KIAA0825: variants seen among roughly 807,000 people sequenced by gnomAD.
KIAA0825 encodes the protein KIAA0825.
In KIAA0825, 119 loss-of-function variants were observed where a neutral mutation model predicts 147.6. The ratio of observed to expected loss-of-function variants is 0.81; its 90% CI spans 0.69 to 0.94. The LOEUF (loss-of-function observed/expected upper bound fraction) is 0.94, where lower values mean the gene tolerates loss of function less well. Among genes scored for constraint, KIAA0825 ranks in the 40% least tolerant of loss-of-function variants. The pLI is 0.00. For synonymous variants in KIAA0825, 470 were observed against 518.1 expected, an observed-to-expected ratio of 0.91 and a Z score of 1.26; for missense variants, 1,381 against 1,472.7, an observed-to-expected ratio of 0.94 and a Z score of 1.02.
chr5:94,327,042 G>C (rs1220641655), intron 20 of KIAA0825, among the ~76,000 whole-genome samples: 1 of 152,160 alleles, frequency 6.6e-6, no homozygotes, highest in Non-Finnish European at 1.5e-5. Flanking sequence ...ATGCTAAGTG[G>C]TCTATATAGA....
intron 13 of KIAA0825, among the ~76,000 whole-genome samples, chr5:94,442,597 T>C (rs895566372): frequency 2.6e-5 from 4 of 152,164 alleles, no homozygotes; most frequent in African/African-American, 4.8e-5. Flanking sequence ...AACAGATCCT[T>C]ACAATGGTTG....
intron 10 of KIAA0825, among the ~76,000 whole-genome samples, chr5:94,467,808 G>T (rs1760735038): frequency 2.0e-5 from 3 of 152,132 alleles, no homozygotes; most frequent in Non-Finnish European, 4.4e-5. Context: ...TCTCAAAGCA[G>T]GCCTGCCAAA....
intron 20 of KIAA0825, among the ~76,000 whole-genome samples, chr5:94,354,743 G>A (rs555579266): frequency 6.6e-6 from 1 of 152,246 alleles, no homozygotes; most frequent in African/African-American, 2.4e-5. Context: ...ATAAATTGAG[G>A]CCATGGAAGA....
intron 20 of KIAA0825, among the ~76,000 whole-genome samples, chr5:94,323,404 A>G (rs995635339): frequency 6.6e-6 from 1 of 151,890 alleles, no homozygotes; most frequent in Non-Finnish European, 1.5e-5. Context: ...TCACAACCCT[A>G]TCTGGAACTG....
intron 20 of KIAA0825, among the ~76,000 whole-genome samples, chr5:94,326,364 C>T (rs1015071662): frequency 1.3e-5 from 2 of 152,034 alleles, no homozygotes; most frequent in African/African-American, 2.4e-5. Context: ...GGGGGAGTTA[C>T]GAAAGTTTAT....
intron 1 of KIAA0825, among the ~76,000 whole-genome samples, chr5:94,613,503 T>G (rs1310321337): frequency 6.6e-6 from 1 of 152,168 alleles, no homozygotes; most frequent in Non-Finnish European, 1.5e-5. Context: ...CGGCCAATCT[T>G]GTCTTCTGTA....
At chr5:94,588,451 T>C (rs1396384347) in intron 1 of KIAA0825, among the ~76,000 whole-genome samples, 1 of 152,184 alleles carries the variant, frequency 6.6e-6, no homozygotes, top group Non-Finnish European at 1.5e-5. Flanking sequence ...TCATCATCAA[T>C]GGTCATCAGA....
intron 20 of KIAA0825, among the ~76,000 whole-genome samples, chr5:94,170,684 T>C (rs867333098): frequency 9.2e-5 from 14 of 152,228 alleles, no homozygotes; most frequent in Non-Finnish European, 1.8e-4. Context: ...AAAATGAAAA[T>C]GAAAGCTTCA....
chr5:94,217,472 C>T (rs1773301722), intron 20 of KIAA0825, among the ~76,000 whole-genome samples: 1 of 152,242 alleles, frequency 6.6e-6, no homozygotes, highest in Non-Finnish European at 1.5e-5. Flanking sequence ...GTGAGTGAAA[C>T]CCTGGTGTCA....
chr5:94,368,919 G>C (rs1746260930), intron 20 of KIAA0825, among the ~76,000 whole-genome samples: 1 of 152,146 alleles, frequency 6.6e-6, no homozygotes, highest in Admixed American at 6.5e-5. Context: ...TGTAATCTCA[G>C]CACTTTGGGA....
intron 7 of KIAA0825, 38 bp from the exon 8 acceptor site, chr5:94,473,557 A>G: frequency 8.1e-7 from 1 of 1,231,446 alleles, no homozygotes; most frequent in Non-Finnish European, 1.2e-6. Context: ...GTTAATCTTA[A>G]CTCAGCAACA....
At chr5:94,402,296 C>T (rs1351980290) in intron 16 of KIAA0825, among the ~76,000 whole-genome samples, 1 of 152,020 alleles carries the variant, frequency 6.6e-6, no homozygotes, top group Non-Finnish European at 1.5e-5. Context: ...TCGAAAGCCA[C>T]AAGCAAAATA....
At chr5:94,328,385 A>G (rs1780918196) in intron 20 of KIAA0825, among the ~76,000 whole-genome samples, 1 of 152,072 alleles carries the variant, frequency 6.6e-6, no homozygotes, top group Admixed American at 6.5e-5. Context: ...TTTATAGGCT[A>G]AAATTGTAAA....
chr5:94,397,108 A>C (rs1750763458), intron 16 of KIAA0825, among the ~76,000 whole-genome samples: 1 of 152,038 alleles, frequency 6.6e-6, no homozygotes, highest in African/African-American at 2.4e-5. Flanking sequence ...ATCATCTAAT[A>C]ATTATGTCCT....
chr5:94,477,692 T>A (rs1043960149), intron 6 of KIAA0825, among the ~76,000 whole-genome samples: 1 of 151,968 alleles, frequency 6.6e-6, no homozygotes, highest in African/African-American at 2.4e-5. Context: ...ACGAGAAAAA[T>A]TATACCCTTA....
chr5:94,391,717 C>T, intron 17 of KIAA0825, 23 bp from the exon 18 acceptor site: 1 of 1,498,004 alleles, frequency 6.7e-7, no homozygotes, highest in South Asian at 1.3e-5. Flanking sequence ...AAAGCATATA[C>T]ATATCAGTAG....
intron 20 of KIAA0825, among the ~76,000 whole-genome samples, chr5:94,339,238 C>A (rs191983144): frequency 3.9e-5 from 6 of 152,110 alleles, no homozygotes; most frequent in Non-Finnish European, 7.4e-5. Context: ...ATACTAATCA[C>A]TAAAAATGAG....
chr5:94,565,297 C>T (rs1388179782), intron 2 of KIAA0825, among the ~76,000 whole-genome samples: 27 of 150,040 alleles, frequency 1.8e-4, no homozygotes, highest in African/African-American at 6.6e-4. Context: ...AATGATCTTT[C>T]TAAAACATAG....
chr5:94,300,719 C>CA lies in KIAA0825; in HGVS notation c.3710+83648dup, dbSNP rs200021448. On this transcript the variant is annotated intron_variant, in intron 20 of 20. Transcript: ENST00000682413. ...AAACAAAATTATTACTTATGTATTT[C>CA]AAAAAAAACTTTGAATTTGCTAAAT... Among the ~76,000 whole-genome samples the CA allele has an allele frequency of 9.7e-3, 1,471 of 151,894 alleles. 32 individuals are homozygous for CA. Among genetic ancestry groups the CA allele is most frequent in the African/African-American group, 0.034 (1,409 of 41,436 alleles).
Sources: gnomAD v4.1 joint callset for allele counts (sites outside exome capture counted in the v4.1 genomes callset) on GRCh38, gnomAD v4.1.1 for gene constraint, MANE v1.5 for transcripts, NCBI Gene and HGNC (gene_info 2026-07-23, HGNC 2026-07-21) for gene names.